Variants in MAGED2 observed in about 807,000 individuals in gnomAD.
MAGED2 encodes the protein MAGE family member D2, also known as melanoma-associated antigen D2.
In MAGED2, 6 loss-of-function variants were observed where a neutral mutation model predicts 41.7. The observed-to-expected ratio is 0.14, with a 90% CI of 0.08 to 0.28. The LOEUF (loss-of-function observed/expected upper bound fraction) is 0.28. Ranked by LOEUF, MAGED2 falls within the 10% of genes least tolerant of loss-of-function variation. MAGED2 has a pLI of 1.00. For synonymous variants in MAGED2, 146 were observed against 178.2 expected, an observed-to-expected ratio of 0.82 and a Z score of 1.44; for missense variants, 343 against 486.4, an observed-to-expected ratio of 0.71 and a Z score of 2.77.
rs928557990 is a variant in MAGED2, at chrX:54,812,592, G to A, written c.1085+341G>A. On this transcript the variant is annotated intron_variant, in intron 7 of 12. Coordinates refer to ENST00000375068, the MANE Select transcript of MAGED2 (RefSeq NM_177433.3). ...TGGTTCTCAAGGAGGGCTTCCTGGT[G>A]TGGGTGGATCAGGATGCATGAAGCG... Among the ~76,000 whole-genome samples, 5 of 112,035 alleles carry A rather than the reference G, an allele frequency of 4.5e-5. No homozygotes were observed. The Admixed American group carries it at 4.7e-4, about 11-fold the overall frequency.
Position 54,809,016 on chromosome X carries a change from C to T in MAGED2, c.-29-287C>T, listed in dbSNP as rs181676712. 583 of 345,268 alleles carry T rather than the reference C, an allele frequency of 1.7e-3. 5 individuals carry two copies. Among genetic ancestry groups the T allele is most frequent in the African/African-American group, 0.013 (485 of 38,264 alleles). The allele number at this position is 345,268 out of a possible 1,213,427, so 28.5% of individuals were successfully genotyped here. A position where few individuals can be genotyped will look rare whatever the true frequency, so the allele number is the denominator to read the frequency against. On this transcript the variant is annotated intron_variant, in intron 1 of 12. Transcript: ENST00000375068. ...GGGCTGAGAGCGGCCCTGCAGCCGACGCGCATGCGCTCTATCGACCTGCGG... is the reference window on the plus strand; with the variant it reads ...GGGCTGAGAGCGGCCCTGCAGCCGATGCGCATGCGCTCTATCGACCTGCGG...
At chrX:54,813,884 T>C (rs186706540) in intron 10 of MAGED2, among the ~76,000 whole-genome samples, 2 of 112,496 alleles carry the variant, frequency 1.8e-5, no homozygotes, top group African/African-American at 6.5e-5. Context: ...GAGTTATGTT[T>C]AGAACTTGGC....
rs755292405 is a variant in MAGED2, at chrX:54,811,295, A to G, written c.892A>G (p.Ile298Val). ...CCTTTTGGCTAAAGACCAGACGAAGATTCCCATCAAGCGCTCGGGTAAAGT... is the reference window on the plus strand; with the variant it reads ...CCTTTTGGCTAAAGACCAGACGAAGGTTCCCATCAAGCGCTCGGGTAAAGT... ...KYLLAKDQTK[I>V]PIKRSDMLKD... Residue 298 changes from isoleucine to valine, a missense_variant, in exon 5 of 13, where the codon ATT becomes GTT. By Grantham distance (29) the Ile-to-Val change is conservative. This residue lies in a region of MAGED2 where 95 missense variants were observed against 204.8 expected (regional missense o/e 0.46). Transcript: ENST00000375068. 2.2e-5 allele frequency: 27 copies of G among 1,210,035 alleles called. No individual in the cohort carries two copies. Among genetic ancestry groups the G allele is most frequent in the South Asian group, 2.1e-4 (12 of 56,870 alleles).
chrX:54,814,564 T>C (rs1368675649), intron 10 of MAGED2, 97 bp from the exon 11 acceptor site: 3 of 576,852 alleles, frequency 5.2e-6, no homozygotes, highest in Non-Finnish European at 9.3e-6. Flanking sequence ...ACTGTAGTAA[T>C]TAGTGGATGA....
In MAGED2 at chrX:54,813,024, G is replaced by T. The variant is rs768115012; in HGVS notation, c.1165G>T (p.Ala389Ser). Reference protein sequence around the residue: ...IFMNGNRSSEAVIWEVLRKLG... With the variant: ...IFMNGNRSSESVIWEVLRKLG... The stretch of plus-strand genomic sequence containing the variant: ...CATGAATGGAAATCGGTCCAGTGAG[G>T]GTGAGTGGCTGGGCTTGCAGCTGAA... Residue 389 changes from alanine (A) to serine (S), a missense_variant and splice_region_variant, in exon 8 of 13, where the codon GCT becomes TCT. Physicochemically the swap from Ala to Ser is moderately conservative, Grantham distance 99. Around this residue, in one of 3 missense-constraint regions of MAGED2, gnomAD observed 95 missense variants for 204.8 expected, o/e 0.46. Transcript: ENST00000375068. The T allele has an allele frequency of 8.3e-7, 1 of 1,210,282 alleles. No homozygotes were observed. The highest frequency in any genetic ancestry group is 1.1e-6 in the Non-Finnish European group (1 of 895,133).
chrX:54,811,781 A>G, intron 6 of MAGED2, 128 bp downstream of exon 6: 2 of 512,861 alleles, frequency 3.9e-6, no homozygotes, highest in East Asian at 7.3e-5. Context: ...AGGGGCAGAC[A>G]GTGGCCTAGG....
In MAGED2 at chrX:54,809,997, G is replaced by C. The variant is rs1368132334; in HGVS notation, c.321G>C (p.Lys107Asn). 2 of 1,204,132 alleles carry C rather than the reference G, an allele frequency of 1.7e-6. No homozygotes were observed. Among genetic ancestry groups the C allele is most frequent in the East Asian group, 5.9e-5 (2 of 33,661 alleles). ...ACAAGAGTCTAGCAGCTGACACCAAGAAACAGAATGCTGACCCGCAGGCTG... is the reference window on the plus strand; with the variant it reads ...ACAAGAGTCTAGCAGCTGACACCAACAAACAGAATGCTGACCCGCAGGCTG... ...AENKSLAADTKKQNADPQAVT... is the reference protein window; with the variant it reads ...AENKSLAADTNKQNADPQAVT... The change falls in exon 3 of 13, where the codon AAG becomes AAC. Residue 107 changes from lysine to asparagine, a missense_variant. Physicochemically the swap from Lys to Asn is moderately conservative, Grantham distance 94. This residue lies in a region of MAGED2 where 195 missense variants were observed against 221.2 expected (regional missense o/e 0.88). Transcript: ENST00000375068.
chrX:54,811,743 C>T (rs1827643248), intron 6 of MAGED2, 90 bp downstream of exon 6: 3 of 655,356 alleles, frequency 4.6e-6, no homozygotes, highest in Non-Finnish European at 7.3e-6. Flanking sequence ...CCAAAGAGAC[C>T]TGCTAATCCA....
At chrX:54,813,219 G>C (rs2147634989) in intron 9 of MAGED2, 59 bp downstream of exon 9, 1 of 1,203,254 alleles carries the variant, frequency 8.3e-7, no homozygotes, top group East Asian at 3.0e-5. Context: ...AGAGAGGACG[G>C]TCCTAGGATT....
At chrX:54,813,865 C>T (rs1183551025) in intron 10 of MAGED2, among the ~76,000 whole-genome samples, 1 of 112,126 alleles carries the variant, frequency 8.9e-6, no homozygotes, top group Non-Finnish European at 1.9e-5. Flanking sequence ...ACACAGGTAG[C>T]AAGTAGAAGA....
At position 54,811,108 on chromosome X, in the gene MAGED2, T is replaced by C; in HGVS notation, c.825T>C (p.Asp275=). 8.4e-7 allele frequency: 1 copy of C among 1,195,705 alleles called. No homozygotes were observed. The highest frequency in any genetic ancestry group is 1.1e-6 in the Non-Finnish European group (1 of 886,487). The change falls in exon 4 of 13, where the codon GAT becomes GAC. Residue 275 remains aspartate, a synonymous_variant. Transcript: ENST00000375068. ...AGCCTGAAGCACCACCACCTCGGGA[T>C]GTGGCCCTTTTGCAAGGGAGGGTAA... ...SQEPEAPPPR[D]VALLQGRAND...
rs764094559 is a variant in MAGED2, at chrX:54,815,275, G to A, written c.1414G>A (p.Ala472Thr). The A allele has an allele frequency of 5.2e-6, 6 of 1,152,146 alleles. No individual in the cohort carries two copies. The highest frequency in any genetic ancestry group is 2.5e-4 in the Middle Eastern group (1 of 4,059). The allele number at this position is 1,152,146 out of a possible 1,213,427, so 94.9% of individuals were successfully genotyped here. A position where few individuals can be genotyped will look rare whatever the true frequency, so the allele number is the denominator to read the frequency against. ...ACAAAAGAAGGATCCCAAGGAATGG[G>A]CAGCTCAGTACCGAGAGGCGATGGA... The part of the protein sequence containing the change: ...KVQKKDPKEW[A>T]AQYREAMEAD... The change falls in exon 12 of 13, where the codon GCA becomes ACA. Residue 472 changes from alanine to threonine, a missense_variant. Physicochemically the swap from Ala to Thr is moderately conservative, Grantham distance 58. Coordinates refer to ENST00000375068, the MANE Select transcript of MAGED2 (RefSeq NM_177433.3).
In MAGED2 at chrX:54,814,904, C is replaced by T. The variant is rs755615864; in HGVS notation, c.1386+129C>T. 23 of 486,130 alleles carry T rather than the reference C, an allele frequency of 4.7e-5. No homozygotes were observed. The African/African-American group carries it at 4.8e-4, about 10-fold the overall frequency. 40.1% of individuals were successfully genotyped at this position (486,130 alleles called of 1,213,427 possible). On this transcript the variant is annotated intron_variant, in intron 11 of 12. Transcript: ENST00000375068. Reference sequence around the variant, plus strand: ...GGTGCTTCTGTTAATTGTCAAAACACTGTAACAGGCACTTTATCTGAATCA... The same window carrying T: ...GGTGCTTCTGTTAATTGTCAAAACATTGTAACAGGCACTTTATCTGAATCA...
chrX:54,812,993 C>G lies in MAGED2; in HGVS notation c.1134C>G (p.Ile378Met). The G allele has an allele frequency of 8.3e-7, 1 of 1,211,821 alleles. No individual in the cohort carries two copies. The highest frequency in any genetic ancestry group is 1.1e-6 in the Non-Finnish European group (1 of 895,427). The change falls in exon 8 of 13, where the codon ATC becomes ATG. Residue 378 changes from isoleucine (I) to methionine (M), a missense_variant. Transcript: ENST00000375068. ...GTCTGCTCATGGTGCTTCTTAGCAT[C>G]ATCTTCATGAATGGAAATCGGTCCA... ...KLGLLMVLLSIIFMNGNRSSE... is the reference protein window; with the variant it reads ...KLGLLMVLLSMIFMNGNRSSE...
chrX:54,813,409 TG>T lies in MAGED2; in HGVS notation c.1209-78del, dbSNP rs1929865698. On this transcript the variant is annotated intron_variant, in intron 9 of 12. Transcript: ENST00000375068. ...GGAAACCTCTTTTCCATCTTGGAAA[TG>T]CCTCTGCCCACATCTGGGAAGTGCC... 4 of 953,386 alleles carry T rather than the reference TG, an allele frequency of 4.2e-6. No individual in the cohort carries two copies. The African/African-American group carries it at 5.8e-5, about 14-fold the overall frequency. 78.6% of individuals were successfully genotyped at this position (953,386 alleles called of 1,213,427 possible).
Position 54,810,121 on chromosome X carries a change from C to T in MAGED2, c.445C>T (p.Pro149Ser), listed in dbSNP as rs758029411. 1 of 1,202,738 alleles carries T rather than the reference C, an allele frequency of 8.3e-7. No homozygotes were observed. The highest frequency in any genetic ancestry group is 1.8e-5 in the African/African-American group (1 of 56,805). The change falls in exon 3 of 13, where the codon CCA becomes TCA. Residue 149 changes from proline (P) to serine (S), a missense_variant. Physicochemically the swap from Pro to Ser is moderately conservative, Grantham distance 74 (BLOSUM62 -1). Transcript: ENST00000375068. ...GACTGAGGCTGCACCCTCTCAGGCC[C>T]CAGCAGATGAACCTGAGCCTGAGAG... ...QETEAAPSQA[P>S]ADEPEPESAA... is the part of the protein sequence containing the mutation.
Position 54,815,418 on chromosome X carries a change from C to T in MAGED2, c.1557C>T (p.Asp519=), listed in dbSNP as rs775755120. The T allele has an allele frequency of 9.7e-5, 117 of 1,207,318 alleles. 1 individual carries two copies. The South Asian group carries it at 1.7e-3, about 17-fold the overall frequency. The change falls in exon 12 of 13, where the codon GAC becomes GAT. Residue 519 remains aspartate (D), a synonymous_variant. Coordinates refer to ENST00000375068, the MANE Select transcript of MAGED2 (RefSeq NM_177433.3). ...ATGCTGCCGGGCCCTGCAACTGGGA[C>T]GAAGCTGATATCGGACCCTGGGCCA... is the stretch of plus-strand genomic sequence containing the variant. ...SENAAGPCNW[D]EADIGPWAKA...
In MAGED2 at chrX:54,811,650, G is replaced by A. The variant is rs745749102; in HGVS notation, c.987G>A (p.Glu329=). The A allele has an allele frequency of 2.5e-5, 30 of 1,196,793 alleles. No individual in the cohort carries two copies. Among genetic ancestry groups the A allele is most frequent in the Non-Finnish European group, 3.4e-5 (30 of 883,136 alleles). The change falls in exon 6 of 13, where the codon GAG becomes GAA. Residue 329 remains glutamate, a synonymous_variant. Transcript: ENST00000375068. ...TTGAACGAGCAGGCTATTCCTTGGA[G>A]AAGGTGAAGGGGCAGCCCTGGGGGA... The part of the protein sequence containing the change: ...EIIERAGYSL[E]KVFGIQLKEI...
rs2071933 is a variant in MAGED2, at chrX:54,811,919, C to A, written c.991-238C>A. On this transcript the variant is annotated intron_variant, in intron 6 of 12. Coordinates refer to ENST00000375068, the MANE Select transcript of MAGED2 (RefSeq NM_177433.3). ...AGCTCCTGCCATGTATTTGAGATTTCACCTCTCCCTTTCATTCCCCATTCT... is the reference window on the plus strand; with the variant it reads ...AGCTCCTGCCATGTATTTGAGATTTAACCTCTCCCTTTCATTCCCCATTCT... Among the ~76,000 whole-genome samples the A allele has an allele frequency of 0.37, 40,771 of 110,648 alleles. 5,492 individuals are homozygous for A. The highest frequency in any genetic ancestry group is 0.62 in the East Asian group (2,113 of 3,426).
Sources: gnomAD v4.1 joint callset for allele counts (sites outside exome capture counted in the v4.1 genomes callset) on GRCh38, gnomAD v4.1.1 for gene constraint, gnomAD v4.1.1 regional missense constraint, MANE v1.5 for transcripts, NCBI Gene and HGNC (gene_info 2026-07-23, HGNC 2026-07-21) for gene names.